The following OR5K3 variants were observed in gnomAD, a reference collection of about 807,000 sequenced individuals.
The protein encoded by OR5K3 is olfactory receptor family 5 subfamily K member 3.
For missense variants in OR5K3, 498 were observed against 383.2 expected, an observed-to-expected ratio of 1.30 and a Z score of -2.50; for synonymous variants, 178 against 132.6, an observed-to-expected ratio of 1.34 and a Z score of -2.35.
In OR5K3 at chr3:98,390,731, G is replaced by T. The variant is rs768606846; in HGVS notation, c.66G>T (p.Lys22Asn). The T allele has an allele frequency of 1.9e-6, 3 of 1,614,146 alleles. No individual in the cohort carries two copies. In the Admixed American group the frequency reaches 5.0e-5, roughly 27 times the overall value. Residue 22 changes from lysine to asparagine, a missense_variant, in exon 1 of 1, where the codon AAG (lysine) becomes AAT (asparagine). Coordinates refer to ENST00000383695, the MANE Select transcript of OR5K3 (RefSeq NM_001005516.1). ...FILTGFTYHPKLKTVLFVVFF... is the reference protein window; with the variant it reads ...FILTGFTYHPNLKTVLFVVFF... Reference sequence around the variant, plus strand: ...TCACAGGATTTACATATCATCCAAAGCTGAAGACTGTTCTGTTTGTGGTGT... The same window carrying T: ...TCACAGGATTTACATATCATCCAAATCTGAAGACTGTTCTGTTTGTGGTGT...
Position 98,390,908 on chromosome 3 carries a change from G to C in OR5K3, c.243G>C (p.Met81Ile). The C allele has an allele frequency of 6.2e-7, 1 of 1,614,226 alleles. No homozygotes were observed. Among genetic ancestry groups the C allele is most frequent in the East Asian group, 2.2e-5 (1 of 44,888 alleles). ...SCCSSAITPK[M>I]LENFFSEDKR... Reference sequence around the variant, plus strand: ...GTTCCTCTGCTATTACTCCCAAGATGTTAGAGAACTTCTTTTCTGAGGACA... The same window carrying C: ...GTTCCTCTGCTATTACTCCCAAGATCTTAGAGAACTTCTTTTCTGAGGACA... The change falls in exon 1 of 1, where the codon ATG (methionine) becomes ATC (isoleucine). Residue 81 changes from methionine (M) to isoleucine (I), a missense_variant. Coordinates refer to ENST00000383695, the MANE Select transcript of OR5K3 (RefSeq NM_001005516.1).
Position 98,391,024 on chromosome 3 carries a change from A to G in OR5K3, c.359A>G (p.Tyr120Cys). 3 of 1,614,214 alleles carry G rather than the reference A, an allele frequency of 1.9e-6. No individual in the cohort carries two copies. The highest frequency in any genetic ancestry group is 2.2e-5 in the East Asian group (1 of 44,886). The change falls in exon 1 of 1, where the codon TAT (tyrosine) becomes TGT (cysteine). Residue 120 changes from tyrosine (Y) to cysteine (C), a missense_variant. Transcript: ENST00000383695. Reference protein sequence around the residue: ...TDCFLLAAMAYDCYVAICNPL... With the variant: ...TDCFLLAAMACDCYVAICNPL... ...TGCTTTCTTCTGGCGGCAATGGCCT[A>G]TGACTGCTATGTGGCCATATGCAAC...
In OR5K3 at chr3:98,391,260, T is replaced by C. The variant is rs781370126; in HGVS notation, c.595T>C (p.Leu199=). Residue 199 remains leucine (L), a synonymous_variant, in exon 1 of 1, where the codon TTA becomes CTA. Coordinates refer to ENST00000383695, the MANE Select transcript of OR5K3 (RefSeq NM_001005516.1). ...CINPYINELV[L]FILAGSIQIF... ...TAACCCTTATATCAATGAATTGGTGTTATTTATCTTGGCAGGATCAATTCA... is the reference window on the plus strand; with the variant it reads ...TAACCCTTATATCAATGAATTGGTGCTATTTATCTTGGCAGGATCAATTCA... 1.7e-5 allele frequency: 27 copies of C among 1,608,206 alleles called. No individual in the cohort carries two copies. The highest frequency in any genetic ancestry group is 2.3e-5 in the Non-Finnish European group (27 of 1,175,100).
At position 98,391,524 on chromosome 3, in the gene OR5K3, A is replaced by G; in HGVS notation, c.859A>G (p.Ile287Val). ...AGTTATTCCTTTATTAAATCCTTTTATTTATAGCCTAAGAAATAAGGAAGT... is the reference window on the plus strand; with the variant it reads ...AGTTATTCCTTTATTAAATCCTTTTGTTTATAGCCTAAGAAATAAGGAAGT... ...TLVIPLLNPF[I>V]YSLRNKEVIN... Residue 287 changes from isoleucine to valine, a missense_variant, in exon 1 of 1, where the codon ATT becomes GTT. Coordinates refer to ENST00000383695, the MANE Select transcript of OR5K3 (RefSeq NM_001005516.1). 7.0e-7 allele frequency: 1 copy of G among 1,434,720 alleles called. No homozygotes were observed. The highest frequency in any genetic ancestry group is 9.5e-7 in the Non-Finnish European group (1 of 1,049,910). 88.9% of individuals were successfully genotyped at this position (1,434,720 alleles called of 1,614,324 possible).
In OR5K3 at chr3:98,391,374, T is replaced by C. The variant is rs780305063; in HGVS notation, c.709T>C (p.Ser237Pro). 1.9e-6 allele frequency: 3 copies of C among 1,608,768 alleles called. No individual in the cohort carries two copies. The highest frequency in any genetic ancestry group is 8.5e-7 in the Non-Finnish European group (1 of 1,178,558). ...KSKEGRGKAL[S>P]TCASHFLSVS... ...CAAGGAGGGAAGAGGCAAAGCTTTA[T>C]CTACTTGTGCATCTCACTTTCTCTC... Residue 237 changes from serine (S) to proline (P), a missense_variant, in exon 1 of 1, where the codon TCT (serine) becomes CCT (proline). Transcript: ENST00000383695.
chr3:98,391,159 G>A lies in OR5K3; in HGVS notation c.494G>A (p.Arg165Lys). 1.2e-6 allele frequency: 2 copies of A among 1,614,090 alleles called. No individual in the cohort carries two copies. The highest frequency in any genetic ancestry group is 1.1e-5 in the South Asian group (1 of 91,078). The change falls in exon 1 of 1, where the codon AGG becomes AAG. Residue 165 changes from arginine to lysine, a missense_variant. Physicochemically the swap from Arg to Lys is conservative, Grantham distance 26. Transcript: ENST00000383695. ...ATGATTGAAGTAGAGTTTCTGTTGA[G>A]GTTAACTTTCTGTGGGTCTCATCAA... Reference protein sequence around the residue: ...HPMIEVEFLLRLTFCGSHQIN... With the variant: ...HPMIEVEFLLKLTFCGSHQIN...
rs372568263 is a variant in OR5K3 at position 98,391,165 on chromosome 3, C to T, written c.500C>T (p.Thr167Ile). ...GAAGTAGAGTTTCTGTTGAGGTTAA[C>T]TTTCTGTGGGTCTCATCAAATCAAT... ...MIEVEFLLRLTFCGSHQINHF... is the reference protein window; with the variant it reads ...MIEVEFLLRLIFCGSHQINHF... Residue 167 changes from threonine (T) to isoleucine (I), a missense_variant, in exon 1 of 1, where the codon ACT (threonine) becomes ATT (isoleucine). Thr to Ile is a moderately conservative substitution (Grantham distance 89, BLOSUM62 -1). Coordinates refer to ENST00000383695, the MANE Select transcript of OR5K3 (RefSeq NM_001005516.1). The T allele has an allele frequency of 7.6e-5, 122 of 1,613,980 alleles. No homozygotes were observed. Among genetic ancestry groups the T allele is most frequent in the Non-Finnish European group, 9.6e-5 (113 of 1,180,030 alleles).
rs375826657 is a variant in OR5K3 at position 98,390,846 on chromosome 3, A to G, written c.181A>G (p.Ile61Val). 12 of 1,614,096 alleles carry G rather than the reference A, an allele frequency of 7.4e-6. No individual in the cohort carries two copies. In the East Asian group the frequency reaches 2.4e-4, roughly 33 times the overall value. Residue 61 changes from isoleucine to valine, a missense_variant, in exon 1 of 1, where the codon ATA becomes GTA. By Grantham distance (29) the Ile-to-Val change is conservative. Coordinates refer to ENST00000383695, the MANE Select transcript of OR5K3 (RefSeq NM_001005516.1). ...IEQRLHTPMY[I>V]FLGNLVLMDS... Reference sequence around the variant, plus strand: ...GCAACGTCTTCACACACCAATGTACATATTTTTAGGCAACCTAGTTCTGAT... The same window carrying G: ...GCAACGTCTTCACACACCAATGTACGTATTTTTAGGCAACCTAGTTCTGAT...
Position 98,391,194 on chromosome 3 carries a change from T to A in OR5K3, c.529T>A (p.Phe177Ile), listed in dbSNP as rs73854830. The A allele has an allele frequency of 2.0e-5, 32 of 1,613,764 alleles. No individual in the cohort carries two copies. The highest frequency in any genetic ancestry group is 5.0e-5 in the Admixed American group (3 of 59,996). The change falls in exon 1 of 1, where the codon TTT becomes ATT. Residue 177 changes from phenylalanine (F) to isoleucine (I), a missense_variant. Transcript: ENST00000383695. ...CTGTGGGTCTCATCAAATCAATCATTTTTTCTGTGATGTTCTTCCATTATA... is the reference window on the plus strand; with the variant it reads ...CTGTGGGTCTCATCAAATCAATCATATTTTCTGTGATGTTCTTCCATTATA... ...TFCGSHQINH[F>I]FCDVLPLYRL...
rs542193036 is a variant in OR5K3 at position 98,391,500 on chromosome 3, G to A, written c.835G>A (p.Val279Ile). 15 of 1,473,988 alleles carry A rather than the reference G, an allele frequency of 1.0e-5. No individual in the cohort carries two copies. The African/African-American group carries it at 1.8e-4, about 18-fold the overall frequency. The allele number at this position is 1,473,988 out of a possible 1,614,324, so 91.3% of individuals were successfully genotyped here. ...ACCTGTTGCTATATTTTATACTTTA[G>A]TTATTCCTTTATTAAATCCTTTTAT... ...DIPVAIFYTL[V>I]IPLLNPFIYS... Residue 279 changes from valine (V) to isoleucine (I), a missense_variant, in exon 1 of 1, where the codon GTT (valine) becomes ATT (isoleucine). Transcript: ENST00000383695.
Position 98,391,014 on chromosome 3 carries a change from G to A in OR5K3, c.349G>A (p.Ala117Thr), listed in dbSNP as rs762800342. The A allele has an allele frequency of 5.6e-6, 9 of 1,614,056 alleles. No homozygotes were observed. In the African/African-American group the frequency reaches 6.7e-5, roughly 12 times the overall value. Reference sequence around the variant, plus strand: ...AACTACAGACTGCTTTCTTCTGGCGGCAATGGCCTATGACTGCTATGTGGC... The same window carrying A: ...AACTACAGACTGCTTTCTTCTGGCGACAATGGCCTATGACTGCTATGTGGC... ...AETTDCFLLA[A>T]MAYDCYVAIC... Residue 117 changes from alanine (A) to threonine (T), a missense_variant, in exon 1 of 1, where the codon GCA becomes ACA. By Grantham distance (58) the Ala-to-Thr change is moderately conservative (BLOSUM62 0). Coordinates refer to ENST00000383695, the MANE Select transcript of OR5K3 (RefSeq NM_001005516.1).
Position 98,390,806 on chromosome 3 carries a change from A to G in OR5K3, c.141A>G (p.Ala47=), listed in dbSNP as rs370915575. The part of the protein sequence containing the change: ...ITMVGNIGLV[A]LIYIEQRLHT... Reference sequence around the variant, plus strand: ...TGGTGGGGAACATTGGTTTGGTGGCATTGATTTATATAGAGCAACGTCTTC... The same window carrying G: ...TGGTGGGGAACATTGGTTTGGTGGCGTTGATTTATATAGAGCAACGTCTTC... Residue 47 remains alanine (A), a synonymous_variant, in exon 1 of 1, where the codon GCA becomes GCG. Coordinates refer to ENST00000383695, the MANE Select transcript of OR5K3 (RefSeq NM_001005516.1). 1.3e-4 allele frequency: 209 copies of G among 1,614,056 alleles called. No individual in the cohort carries two copies. Among genetic ancestry groups the G allele is most frequent in the Non-Finnish European group, 1.7e-4 (198 of 1,180,024 alleles).
Position 98,391,022 on chromosome 3 carries a change from C to T in OR5K3, c.357C>T (p.Ala119=). ...TTDCFLLAAM[A]YDCYVAICNP... ...ACTGCTTTCTTCTGGCGGCAATGGC[C>T]TATGACTGCTATGTGGCCATATGCA... Residue 119 remains alanine (A), a synonymous_variant, in exon 1 of 1, where the codon GCC becomes GCT. Coordinates refer to ENST00000383695, the MANE Select transcript of OR5K3 (RefSeq NM_001005516.1). The T allele has an allele frequency of 6.2e-7, 1 of 1,614,212 alleles. No individual in the cohort carries two copies. The highest frequency in any genetic ancestry group is 8.5e-7 in the Non-Finnish European group (1 of 1,180,032).
rs1411333197 is a variant in OR5K3, at chr3:98,391,391, C to T, written c.726C>T (p.His242=). The change falls in exon 1 of 1, where the codon CAC becomes CAT. Residue 242 remains histidine, a synonymous_variant. Coordinates refer to ENST00000383695, the MANE Select transcript of OR5K3 (RefSeq NM_001005516.1). The part of the protein sequence containing the change: ...RGKALSTCAS[H]FLSVSIFCDS... ...AAGCTTTATCTACTTGTGCATCTCACTTTCTCTCTGTGTCAATATTCTGTG... is the reference window on the plus strand; with the variant it reads ...AAGCTTTATCTACTTGTGCATCTCATTTTCTCTCTGTGTCAATATTCTGTG... The T allele has an allele frequency of 6.2e-7, 1 of 1,605,910 alleles. No individual in the cohort carries two copies. Among genetic ancestry groups the T allele is most frequent in the Admixed American group, 1.7e-5 (1 of 58,444 alleles).
rs1707457135 is a variant in OR5K3 at position 98,390,770 on chromosome 3, T to A, written c.105T>A (p.Tyr35Ter). 3.1e-6 allele frequency: 5 copies of A among 1,614,052 alleles called. No homozygotes were observed. The highest frequency in any genetic ancestry group is 1.3e-5 in the African/African-American group (1 of 74,918). ...TGTTTGTGGTGTTCTTTGCCATCTA[T>A]CTGATCACCATGGTGGGGAACATTG... ...TVLFVVFFAI[Y>*]LITMVGNIGL... The change falls in exon 1 of 1, where the codon TAT (tyrosine) becomes TAA (stop). Residue 35 changes from tyrosine to a stop codon, truncating the protein, a stop_gained. Coordinates refer to ENST00000383695, the MANE Select transcript of OR5K3 (RefSeq NM_001005516.1). LOFTEE classifies it low-confidence loss of function (END_TRUNC).
In OR5K3 at chr3:98,391,243, A is replaced by G. The variant is rs757974804; in HGVS notation, c.578A>G (p.Tyr193Cys). 3.1e-6 allele frequency: 5 copies of G among 1,609,396 alleles called. No individual in the cohort carries two copies. The Admixed American group carries it at 8.3e-5, about 27-fold the overall frequency. Residue 193 changes from tyrosine (Y) to cysteine (C), a missense_variant, in exon 1 of 1, where the codon TAT (tyrosine) becomes TGT (cysteine). Coordinates refer to ENST00000383695, the MANE Select transcript of OR5K3 (RefSeq NM_001005516.1). Reference protein sequence around the residue: ...PLYRLSCINPYINELVLFILA... With the variant: ...PLYRLSCINPCINELVLFILA... ...TATAGACTTTCTTGTATTAACCCTTATATCAATGAATTGGTGTTATTTATC... is the reference window on the plus strand; with the variant it reads ...TATAGACTTTCTTGTATTAACCCTTGTATCAATGAATTGGTGTTATTTATC...
Position 98,391,513 on chromosome 3 carries a change from T to G in OR5K3, c.848T>G (p.Leu283Ter), listed in dbSNP as rs990718391. Residue 283 changes from leucine to a stop codon, truncating the protein, a stop_gained, in exon 1 of 1, where the codon TTA becomes TGA. Transcript: ENST00000383695. LOFTEE classifies it low-confidence loss of function (END_TRUNC). ...TTTTATACTTTAGTTATTCCTTTAT[T>G]AAATCCTTTTATTTATAGCCTAAGA... ...AIFYTLVIPL[L>*]NPFIYSLRNK... 1.4e-6 allele frequency: 2 copies of G among 1,451,756 alleles called. No individual in the cohort carries two copies. The highest frequency in any genetic ancestry group is 1.9e-5 in the Admixed American group (1 of 52,512). The allele number at this position is 1,451,756 out of a possible 1,614,324, so 89.9% of individuals were successfully genotyped here.
At position 98,390,764 on chromosome 3, in the gene OR5K3, C is replaced by T; in HGVS notation, c.99C>T (p.Ala33=). Residue 33 remains alanine (A), a synonymous_variant, in exon 1 of 1, where the codon GCC becomes GCT. Coordinates refer to ENST00000383695, the MANE Select transcript of OR5K3 (RefSeq NM_001005516.1). The part of the protein sequence containing the change: ...LKTVLFVVFF[A]IYLITMVGNI... ...CTGTTCTGTTTGTGGTGTTCTTTGC[C>T]ATCTATCTGATCACCATGGTGGGGA... The T allele has an allele frequency of 1.2e-6, 2 of 1,614,050 alleles. No individual in the cohort carries two copies. The highest frequency in any genetic ancestry group is 2.2e-5 in the East Asian group (1 of 44,880).
rs750151821 is a variant in OR5K3, at chr3:98,391,116, G to C, written c.451G>C (p.Ala151Pro). Reference protein sequence around the residue: ...CIQMTAGAYLAGNLHPMIEVE... With the variant: ...CIQMTAGAYLPGNLHPMIEVE... ...TCAGATGACTGCAGGAGCCTACCTA[G>C]CTGGCAACCTGCATCCCATGATTGA... Residue 151 changes from alanine (A) to proline (P), a missense_variant, in exon 1 of 1, where the codon GCT becomes CCT. Transcript: ENST00000383695. The C allele has an allele frequency of 1.9e-6, 3 of 1,614,168 alleles. No homozygotes were observed. Among genetic ancestry groups the C allele is most frequent in the South Asian group, 2.2e-5 (2 of 91,082 alleles).
Sources: allele counts gnomAD v4.1 joint callset, GRCh38; gene constraint gnomAD v4.1.1; transcripts MANE v1.5; gene names NCBI Gene and HGNC (gene_info 2026-07-23, HGNC 2026-07-21).